TEX2: variants seen among roughly 807,000 people sequenced by gnomAD.
The protein encoded by TEX2 is testis expressed 2.
A neutral mutation model predicts 106.9 loss-of-function variants in TEX2; 53 were observed. That is an observed-to-expected ratio of 0.50 (90% CI 0.40 to 0.62). The LOEUF (loss-of-function observed/expected upper bound fraction) is 0.62. Ranked by LOEUF, TEX2 falls within the 20% of genes least tolerant of loss-of-function variation. The pLI, the probability that TEX2 is intolerant of heterozygous loss-of-function variation, is 0.00. For synonymous variants in TEX2, 523 were observed against 534.8 expected (o/e 0.98, Z 0.30); for missense variants, 1,207 against 1,379.0 (o/e 0.88, Z 1.98).
rs2033062162 is a variant in TEX2 at position 64,213,160 on chromosome 17, G to T, written c.1058C>A (p.Ser353Tyr). 6.2e-7 allele frequency: 1 copy of T among 1,614,172 alleles called. No homozygotes were observed. The highest frequency in any genetic ancestry group is 1.3e-5 in the African/African-American group (1 of 75,036). Residue 353 changes from serine (S) to tyrosine (Y), a missense_variant, in exon 2 of 12, where the codon TCT becomes TAT. By Grantham distance (144) the Ser-to-Tyr change is moderately radical. Coordinates refer to ENST00000584379, the MANE Select transcript of TEX2 (RefSeq NM_001288732.2). The surrounding 1 kb of genome is among the most constrained non-coding windows in gnomAD (Gnocchi z 4.4). ...NYSIKEEECD[S>Y]EGDGYGSDSN... ...ATCACTTCCGTAGCCATCCCCCTCA[G>T]AATCACACTCCTCCTCCTTGATGCT...
chr17:64,195,048 C>A lies in TEX2; in HGVS notation c.1692G>T (p.Ala564=), dbSNP rs370358513. The change falls in exon 3 of 12, where the codon GCG becomes GCT. Residue 564 remains alanine, a synonymous_variant. Coordinates refer to ENST00000584379, the MANE Select transcript of TEX2 (RefSeq NM_001288732.2). This position sits in a 1 kb window ranked among gnomAD's most constrained non-coding sequence, Gnocchi z 4.1. ...GAACAAAGACTGAATGTGTCAAAGTCGCATGGTAGGTTTCTGGATCATAGT... is the reference window on the plus strand; with the variant it reads ...GAACAAAGACTGAATGTGTCAAAGTAGCATGGTAGGTTTCTGGATCATAGT... ...IYNYDPETYH[A]TLTHSVFVRL... The A allele has an allele frequency of 6.2e-7, 1 of 1,614,108 alleles. No homozygotes were observed. Among genetic ancestry groups the A allele is most frequent in the East Asian group, 2.2e-5 (1 of 44,888 alleles).
chr17:64,237,600 G>A (rs2033798355), intron 1 of TEX2, among the ~76,000 whole-genome samples: 1 of 152,120 alleles, frequency 6.6e-6, no homozygotes, highest in Admixed American at 6.5e-5. Flanking sequence ...TGGGTGAAGG[G>A]ATTTGAGATT....
intron 2 of TEX2, among the ~76,000 whole-genome samples, chr17:64,198,015 T>C (rs2032534658): frequency 6.6e-6 from 1 of 152,212 alleles, no homozygotes; most frequent in Non-Finnish European, 1.5e-5. Flanking sequence ...TTAGAAGTAT[T>C]TTGCTTAATT....
intron 6 of TEX2, among the ~76,000 whole-genome samples, chr17:64,174,155 G>C (rs1031877505): frequency 3.3e-5 from 5 of 152,176 alleles, no homozygotes; most frequent in African/African-American, 1.2e-4. Flanking sequence ...ATCCAACGGT[G>C]TTTCTATGGG....
At chr17:64,178,995 C>T (rs2031728036) in intron 5 of TEX2, among the ~76,000 whole-genome samples, 1 of 152,226 alleles carries the variant, frequency 6.6e-6, no homozygotes, top group African/African-American at 2.4e-5. Flanking sequence ...GCTCCGTGCA[C>T]TCATTCTGAA....
At position 64,154,727 on chromosome 17, in the gene TEX2, C is replaced by T. The variant is rs986096813; in HGVS notation, c.2930+115G>A. 3.9e-6 allele frequency: 5 copies of T among 1,284,580 alleles called. No homozygotes were observed. In the African/African-American group the frequency reaches 7.6e-5, roughly 20 times the overall value. 79.6% of individuals were successfully genotyped at this position (1,284,580 alleles called of 1,614,324 possible). A position where few individuals can be genotyped will look rare whatever the true frequency, so the allele number is the denominator to read the frequency against. On this transcript the variant is annotated intron_variant, in intron 9 of 11. Coordinates refer to ENST00000584379, the MANE Select transcript of TEX2 (RefSeq NM_001288732.2). ...GGGATATTAATAAAAAAACCATCTA[C>T]TCAACATTAAAGAGGAAGGAAGATC...
In TEX2 at chr17:64,244,608, A is replaced by C. The variant is rs138397035; in HGVS notation, c.-26+18560T>G. Among the ~76,000 whole-genome samples the C allele has an allele frequency of 6.7e-3, 1,021 of 152,268 alleles. 4 individuals are homozygous for C. The highest frequency in any genetic ancestry group is 8.3e-3 in the Non-Finnish European group (566 of 68,028). On this transcript the variant is annotated intron_variant, in intron 1 of 11. Coordinates refer to ENST00000584379, the MANE Select transcript of TEX2 (RefSeq NM_001288732.2). ...CCTCCCAGGCAAGCTTTTTTCTTCA[A>C]CTAGGCATTTCTACATCAAAATGTA...
At chr17:64,243,024 G>A (rs2033918002) in intron 1 of TEX2, among the ~76,000 whole-genome samples, 1 of 152,040 alleles carries the variant, frequency 6.6e-6, no homozygotes, top group Non-Finnish European at 1.5e-5. Flanking sequence ...TGCCCTCCAG[G>A]TTCAAGCGAT....
At chr17:64,210,591 A>G (rs2032967445) in intron 2 of TEX2, among the ~76,000 whole-genome samples, 1 of 149,444 alleles carries the variant, frequency 6.7e-6, no homozygotes, top group African/African-American at 2.5e-5. Context: ...ATTTAAAAAC[A>G]AATATTATTT....
intron 5 of TEX2, 148 bp downstream of exon 5, chr17:64,188,020 A>G: frequency 1.2e-6 from 1 of 866,226 alleles, no homozygotes; most frequent in South Asian, 1.8e-5. Context: ...TCCTGAGTAG[A>G]TTACAAGTTC....
At chr17:64,181,874 A>T (rs2031883202) in intron 5 of TEX2, among the ~76,000 whole-genome samples, 2 of 151,020 alleles carry the variant, frequency 1.3e-5, no homozygotes, top group African/African-American at 2.4e-5. Context: ...TAGATCATAC[A>T]ATTTTTCCAT....
chr17:64,223,548 G>A (rs1301387536), intron 1 of TEX2, among the ~76,000 whole-genome samples: 2 of 151,490 alleles, frequency 1.3e-5, no homozygotes, highest in African/African-American at 4.9e-5. Context: ...CCAAATAGTA[G>A]TATAGCCATG....
chr17:64,180,146 C>T (rs2031795210), intron 5 of TEX2, among the ~76,000 whole-genome samples: 1 of 152,242 alleles, frequency 6.6e-6, no homozygotes, highest in East Asian at 1.9e-4. Context: ...ACCACCTGGC[C>T]CCTCAGACAG....
At chr17:64,225,982 T>C (rs990974013) in intron 1 of TEX2, among the ~76,000 whole-genome samples, 1 of 152,154 alleles carries the variant, frequency 6.6e-6, no homozygotes, top group Admixed American at 6.5e-5. Flanking sequence ...CTTCCCAAAG[T>C]GCTGGGATTA....
At chr17:64,178,488 T>A (rs1004162047) in intron 5 of TEX2, among the ~76,000 whole-genome samples, 1 of 152,262 alleles carries the variant, frequency 6.6e-6, no homozygotes, top group Admixed American at 6.5e-5. Context: ...ACTTCCATTT[T>A]AGAAATGAGT....
At chr17:64,210,409 T>C (rs1025145572) in intron 2 of TEX2, among the ~76,000 whole-genome samples, 6 of 152,232 alleles carry the variant, frequency 3.9e-5, no homozygotes, top group Admixed American at 1.3e-4. Flanking sequence ...ATGTGATGCA[T>C]ATCTTCATAT....
rs1349687794 is a variant in TEX2, at chr17:64,213,192, G to A, written c.1026C>T (p.Asn342=). The change falls in exon 2 of 12, where the codon AAC becomes AAT. Residue 342 remains asparagine (N), a synonymous_variant. Transcript: ENST00000584379. The surrounding 1 kb of genome is among the most constrained non-coding windows in gnomAD (Gnocchi z 4.4). ...ACTCCTCCTCCTTGATGCTGTAGTT[G>A]TTATTGCTTTCCAAGTGCCCATTCA... is the stretch of plus-strand genomic sequence containing the variant. ...SSLNGHLESN[N]NYSIKEEECD... The A allele has an allele frequency of 1.2e-6, 2 of 1,614,038 alleles. No individual in the cohort carries two copies. Among genetic ancestry groups the A allele is most frequent in the African/African-American group, 2.7e-5 (2 of 74,908 alleles).
In TEX2 at chr17:64,182,938, C is replaced by CT. The variant is rs572344520; in HGVS notation, c.2424+5229dup. Among the ~76,000 whole-genome samples the CT allele has an allele frequency of 3.1e-3, 468 of 150,664 alleles. 3 individuals are homozygous for CT. The highest frequency in any genetic ancestry group is 0.011 in the African/African-American group (446 of 40,868). ...TTTTTTTTTTTAAAACAGAGTCTTG[C>CT]TGTGTCATCCAGGCTGGAGTGCAGT... On this transcript the variant is annotated intron_variant, in intron 5 of 11. Transcript: ENST00000584379.
chr17:64,238,993 T>C (rs149142200), intron 1 of TEX2, among the ~76,000 whole-genome samples: 292 of 152,344 alleles, frequency 1.9e-3, no homozygotes, highest in African/African-American at 6.8e-3. Context: ...TCCCAGACAC[T>C]TCAAGACACC....
Sources: gnomAD v4.1 joint callset for allele counts (sites outside exome capture counted in the v4.1 genomes callset) on GRCh38, gnomAD v4.1.1 for gene constraint, Gnocchi (gnomAD v3.1) non-coding constraint, MANE v1.5 for transcripts, NCBI Gene and HGNC (gene_info 2026-07-23, HGNC 2026-07-21) for gene names.